The following HMGCLL1 variants were observed in gnomAD, a reference collection of about 807,000 sequenced individuals.
The protein encoded by HMGCLL1 is 3-hydroxy-3-methylglutaryl-CoA lyase like 1.
HMGCLL1 carries 36 observed loss-of-function variants against 39.1 expected under a neutral mutation model. That is an observed-to-expected ratio of 0.92 (90% confidence interval 0.71 to 1.22). The LOEUF is 1.22. Ranked by LOEUF, HMGCLL1 falls within the 50% of genes most tolerant of loss-of-function variation. The pLI is 0.00. For missense variants in HMGCLL1, 451 were observed against 416.5 expected (o/e 1.08, Z -0.72); for synonymous variants, 149 against 144.0 (o/e 1.03, Z -0.25).
the HMGCLL1 span, among the ~76,000 whole-genome samples, chr6:55,643,344 G>GAT: frequency 6.6e-6 from 1 of 151,932 alleles, no homozygotes; most frequent in African/African-American, 2.4e-5. Context: ...GACTGGTATA[G>GAT]ATAGTATCTC....
intron 1 of HMGCLL1, among the ~76,000 whole-genome samples, chr6:55,543,071 T>C (rs1769573791): frequency 1.3e-5 from 1 of 77,966 alleles, no homozygotes; most frequent in African/African-American, 6.2e-5. Flanking sequence ...ATATATAATA[T>C]ATATACAGGT....
At position 55,578,825 on chromosome 6, in the gene HMGCLL1, C is replaced by A. The variant is rs902750722; in HGVS notation, c.108+123G>T. On this transcript the variant is annotated intron_variant, in intron 1 of 8. Coordinates refer to ENST00000274901, the MANE Select transcript of HMGCLL1 (RefSeq NM_001042406.2). ...GCGGCCTAACACGACAGAACTGCTG[C>A]GGGAAGGGTCCTGGGGTGAGGAGGT... 3.6e-5 allele frequency: 25 copies of A among 703,378 alleles called. No homozygotes were observed. The East Asian group carries it at 6.8e-4, about 19-fold the overall frequency. 43.6% of individuals were successfully genotyped at this position (703,378 alleles called of 1,614,324 possible).
the HMGCLL1 span, among the ~76,000 whole-genome samples, chr6:55,621,513 C>T: frequency 6.6e-6 from 1 of 151,856 alleles, no homozygotes; most frequent in Non-Finnish European, 1.5e-5. Context: ...ACCATGAACC[C>T]TACTGTGACC....
chr6:55,582,715 C>T (rs2127482624), upstream of HMGCLL1, among the ~76,000 whole-genome samples: 1 of 152,128 alleles, frequency 6.6e-6, no homozygotes, highest in East Asian at 1.9e-4. Context: ...AATGAAGACA[C>T]CTAGTGTTCT....
At chr6:55,659,789 G>A in the HMGCLL1 span, among the ~76,000 whole-genome samples, 1 of 151,754 alleles carries the variant, frequency 6.6e-6, no homozygotes, top group East Asian at 1.9e-4. Context: ...ACAACTGAGA[G>A]GTAAATTACA....
At chr6:55,669,829 T>TA in the HMGCLL1 span, among the ~76,000 whole-genome samples, 1 of 151,770 alleles carries the variant, frequency 6.6e-6, no homozygotes, top group African/African-American at 2.4e-5. Context: ...GAAAGATTTT[T>TA]AAAAAATGAA....
the HMGCLL1 span, among the ~76,000 whole-genome samples, chr6:55,646,496 G>A: frequency 6.6e-6 from 1 of 151,490 alleles, no homozygotes; most frequent in Non-Finnish European, 1.5e-5. Flanking sequence ...TTCTTTAGTG[G>A]ACATTTTTCT....
chr6:55,502,712 GGTT>G (rs759385055), intron 5 of HMGCLL1, among the ~76,000 whole-genome samples: 2 of 71,522 alleles, frequency 2.8e-5, no homozygotes, highest in African/African-American at 4.8e-5. Flanking sequence ...GTAAAGATCT[GGTT>G]TTTTTTTTTT....
intron 3 of HMGCLL1, among the ~76,000 whole-genome samples, chr6:55,534,610 G>A (rs1448137430): frequency 6.6e-6 from 1 of 152,172 alleles, no homozygotes; most frequent in Non-Finnish European, 1.5e-5. Context: ...GAGGTGGACA[G>A]CAAGCCTGCA....
rs556066182 is a variant in HMGCLL1, at chr6:55,536,991, T to C, written c.297+4738A>G. On this transcript the variant is annotated intron_variant, in intron 3 of 8. Coordinates refer to ENST00000274901, the MANE Select transcript of HMGCLL1 (RefSeq NM_001042406.2). ...GAATACCAATTTAGATCCACACACA[T>C]TGTCCTTAAAAGTAGAAATTATTTC... is the stretch of plus-strand genomic sequence containing the variant. Among the ~76,000 whole-genome samples, 51 of 152,298 alleles carry C rather than the reference T, an allele frequency of 3.3e-4. No homozygotes were observed. The South Asian group carries it at 9.9e-3, about 30-fold the overall frequency.
At position 55,514,007 on chromosome 6, in the gene HMGCLL1, T is replaced by C. The variant is rs749697273; in HGVS notation, c.542+41A>G. 5 of 1,579,436 alleles carry C rather than the reference T, an allele frequency of 3.2e-6. No individual in the cohort carries two copies. In the Admixed American group the frequency reaches 8.8e-5, roughly 28 times the overall value. On this transcript the variant is annotated intron_variant, in intron 5 of 8. Transcript: ENST00000274901. ...ATAATTTTTGAGTAAGCTTTAACAA[T>C]AAACATTAACAAAACAGAATTTGTG...
intron 7 of HMGCLL1, among the ~76,000 whole-genome samples, chr6:55,443,525 A>G (rs553203110): frequency 6.6e-6 from 1 of 152,150 alleles, no homozygotes; most frequent in Non-Finnish European, 1.5e-5. Flanking sequence ...AGGAAACAAC[A>G]GTCATTCTTC....
At chr6:55,620,368 C>G in the HMGCLL1 span, among the ~76,000 whole-genome samples, 1 of 152,184 alleles carries the variant, frequency 6.6e-6, no homozygotes, top group African/African-American at 2.4e-5. Flanking sequence ...TATTTCCTGT[C>G]TTTTGGATAG....
At chr6:55,579,705 G>A (rs998523384), upstream of HMGCLL1, among the ~76,000 whole-genome samples, 2 of 152,174 alleles carry the variant, frequency 1.3e-5, no homozygotes, top group Non-Finnish European at 2.9e-5. Context: ...CTAAATGAGA[G>A]GTAAGCTGTA....
chr6:55,662,100 A>G, the HMGCLL1 span, among the ~76,000 whole-genome samples: 14,994 of 151,776 alleles, frequency 0.099, 844 homozygotes, highest in East Asian at 0.17. Flanking sequence ...GAGATCACGA[A>G]GTTTTCCAGA....
chr6:55,504,745 T>C (rs1294900479), intron 5 of HMGCLL1, among the ~76,000 whole-genome samples: 1 of 151,704 alleles, frequency 6.6e-6, no homozygotes, highest in Non-Finnish European at 1.5e-5. Flanking sequence ...ATTGAGGGCC[T>C]ACTGTATTCA....
chr6:55,455,886 C>T (rs1283216996), intron 7 of HMGCLL1, among the ~76,000 whole-genome samples: 5 of 152,102 alleles, frequency 3.3e-5, no homozygotes, highest in African/African-American at 4.8e-5. Context: ...TCTATGAATA[C>T]GTACTGAAGT....
chr6:55,485,940 GAATAA>G (rs1295336132), intron 7 of HMGCLL1, among the ~76,000 whole-genome samples: 11 of 151,234 alleles, frequency 7.3e-5, no homozygotes, highest in Admixed American at 5.3e-4. Context: ...ATTCTAAGAT[GAATAA>G]AATATTAGAA....
chr6:55,639,712 C>T, the HMGCLL1 span, among the ~76,000 whole-genome samples: 12 of 152,112 alleles, frequency 7.9e-5, no homozygotes, highest in South Asian at 2.5e-3. Context: ...TTCTAGTTTT[C>T]CTTCACTAGT....
Sources: gnomAD v4.1 joint callset for allele counts (sites outside exome capture counted in the v4.1 genomes callset) on GRCh38, gnomAD v4.1.1 for gene constraint, MANE v1.5 for transcripts, NCBI Gene and HGNC (gene_info 2026-07-23, HGNC 2026-07-21) for gene names.